The following MYO16 variants were observed in gnomAD, a reference collection of about 807,000 sequenced individuals.
MYO16 encodes the protein myosin XVI.
In MYO16, 94 loss-of-function variants were observed where a neutral mutation model predicts 205.3. The ratio of observed to expected loss-of-function variants is 0.46; its 90% CI spans 0.39 to 0.54. MYO16 has a LOEUF of 0.54. Ranked by LOEUF, MYO16 falls within the 20% of genes least tolerant of loss-of-function variation. MYO16 has a pLI of 0.00. For missense variants in MYO16, 2,315 were observed against 2,387.5 expected, an observed-to-expected ratio of 0.97 and a Z score of 0.63; for synonymous variants, 988 against 954.0, an observed-to-expected ratio of 1.04 and a Z score of -0.66.
chr13:109,156,330 C>T (rs970398027), intron 32 of MYO16, among the ~76,000 whole-genome samples: 1 of 152,222 alleles, frequency 6.6e-6, no homozygotes, highest in Non-Finnish European at 1.5e-5. Context: ...TGCATTTGTA[C>T]TTTTCCTTAA....
At chr13:109,026,351 G>GA (rs1886360321) in intron 23 of MYO16, among the ~76,000 whole-genome samples, 1 of 152,096 alleles carries the variant, frequency 6.6e-6, no homozygotes, top group African/African-American at 2.4e-5. Context: ...TGAGAGAAAA[G>GA]AAGGAGGCCA....
At chr13:108,961,710 A>T (rs2139367204) in intron 18 of MYO16, 54 bp downstream of exon 18, 2 of 1,388,682 alleles carry the variant, frequency 1.4e-6, no homozygotes, top group Admixed American at 1.7e-5. Flanking sequence ...AATTTTGTAG[A>T]TCTACCAGTA....
At chr13:108,696,503 T>C (rs529743884) in intron 2 of MYO16, among the ~76,000 whole-genome samples, 1 of 152,282 alleles carries the variant, frequency 6.6e-6, no homozygotes, top group East Asian at 1.9e-4. Context: ...ATGCTGCATT[T>C]TTCTCTTTAA....
chr13:109,176,785 C>T (rs1470823745), intron 33 of MYO16, among the ~76,000 whole-genome samples: 1 of 151,470 alleles, frequency 6.6e-6, no homozygotes, highest in Non-Finnish European at 1.5e-5. Context: ...TGCCCGTCTC[C>T]CCCAGCACCC....
intron 2 of MYO16, among the ~76,000 whole-genome samples, chr13:108,682,403 C>A (rs1594205321): frequency 6.6e-6 from 1 of 151,934 alleles, no homozygotes; most frequent in African/African-American, 2.4e-5. Context: ...TTACTTCAAT[C>A]ACGGGCTGCA....
intron 20 of MYO16, among the ~76,000 whole-genome samples, chr13:108,980,315 T>A (rs551040551): frequency 6.6e-6 from 1 of 152,246 alleles, no homozygotes; most frequent in Non-Finnish European, 1.5e-5. Flanking sequence ...AAGGAAAAAA[T>A]TCATTGCACT....
chr13:109,008,774 C>T, intron 21 of MYO16, 123 bp from the exon 22 acceptor site: 1 of 566,676 alleles, frequency 1.8e-6, no homozygotes, highest in Admixed American at 3.5e-5. Flanking sequence ...GTATGCACTA[C>T]TGTACTATCT....
At chr13:109,142,904 T>G (rs942285407) in intron 32 of MYO16, among the ~76,000 whole-genome samples, 2 of 152,134 alleles carry the variant, frequency 1.3e-5, no homozygotes, top group Admixed American at 1.3e-4. Context: ...TTTCATTCTT[T>G]CGTTGCTTCA....
chr13:108,878,857 C>T (rs1435817286), intron 12 of MYO16, among the ~76,000 whole-genome samples: 1 of 152,242 alleles, frequency 6.6e-6, no homozygotes, highest in African/African-American at 2.4e-5. Context: ...CCCCGTCACA[C>T]ATCCTGCGAG....
intron 2 of MYO16, among the ~76,000 whole-genome samples, chr13:108,675,890 G>A (rs367873789): frequency 2.0e-5 from 3 of 152,150 alleles, no homozygotes; most frequent in African/African-American, 2.4e-5. Context: ...GTCTGTCCCC[G>A]GCCAGGGCAC....
chr13:108,727,793 T>C (rs1884392821), intron 4 of MYO16, among the ~76,000 whole-genome samples: 1 of 152,262 alleles, frequency 6.6e-6, no homozygotes, highest in African/African-American at 2.4e-5. Context: ...CTATGCCAAA[T>C]GCAACTTCTC....
At chr13:108,540,379 T>G in the MYO16 span, among the ~76,000 whole-genome samples, 1 of 152,116 alleles carries the variant, frequency 6.6e-6, no homozygotes, top group Non-Finnish European at 1.5e-5. Flanking sequence ...ATGAGAATAT[T>G]GGAAAAACTT....
At chr13:109,153,769 T>G (rs1877820246) in intron 32 of MYO16, among the ~76,000 whole-genome samples, 1 of 152,050 alleles carries the variant, frequency 6.6e-6, no homozygotes. Context: ...AAAAAAAAAG[T>G]GATTAATCTG....
At chr13:108,954,928 C>A (rs566351795) in intron 16 of MYO16, among the ~76,000 whole-genome samples, 15 of 152,288 alleles carry the variant, frequency 9.8e-5, no homozygotes, top group South Asian at 2.1e-4. Flanking sequence ...AGAAGTAACA[C>A]CACCCCAGGA....
intron 32 of MYO16, among the ~76,000 whole-genome samples, chr13:109,156,903 G>T (rs1878076459): frequency 6.6e-6 from 1 of 152,180 alleles, no homozygotes; most frequent in Non-Finnish European, 1.5e-5. Flanking sequence ...AGATTTTTAA[G>T]TCTCTCCTAG....
intron 27 of MYO16, among the ~76,000 whole-genome samples, chr13:109,060,020 G>T (rs761824308): frequency 2.6e-5 from 4 of 152,152 alleles, no homozygotes; most frequent in Admixed American, 1.3e-4. Flanking sequence ...AAATAGGAAT[G>T]CTCTTACACT....
intron 34 of MYO16, among the ~76,000 whole-genome samples, chr13:109,181,816 A>ATT (rs61381548): frequency 1.9e-4 from 24 of 126,360 alleles, no homozygotes; most frequent in African/African-American, 7.9e-4. Context: ...TTATTTATTT[A>ATT]TTTTATTTTA....
chr13:108,632,520 C>A (rs1309313199), intron 1 of MYO16, among the ~76,000 whole-genome samples: 1 of 152,120 alleles, frequency 6.6e-6, no homozygotes, highest in Non-Finnish European at 1.5e-5. Flanking sequence ...TACTCATCAT[C>A]TAAGGTGAAA....
At chr13:108,499,986 G>C in the MYO16 span, among the ~76,000 whole-genome samples, 1 of 151,570 alleles carries the variant, frequency 6.6e-6, no homozygotes, top group Non-Finnish European at 1.5e-5. Flanking sequence ...CTGCTCCGGC[G>C]GGCCCTCTGT....
Sources: gnomAD v4.1 joint callset for allele counts (sites outside exome capture counted in the v4.1 genomes callset) on GRCh38, gnomAD v4.1.1 for gene constraint, MANE v1.5 for transcripts, NCBI Gene and HGNC (gene_info 2026-07-23, HGNC 2026-07-21) for gene names.